Variants in ADAMTS12 observed in about 807,000 individuals in gnomAD.
ADAMTS12 encodes A disintegrin and metalloproteinase with thrombospondin motifs 12.
In ADAMTS12, 118 loss-of-function variants were observed where a neutral mutation model predicts 167.8. That is an observed-to-expected ratio of 0.70 (90% CI 0.61 to 0.82). ADAMTS12 has a LOEUF of 0.82. Among genes scored for constraint, ADAMTS12 ranks in the 40% least tolerant of loss-of-function variants. ADAMTS12 has a pLI of 0.00. For missense variants in ADAMTS12, 1,916 were observed against 1,998.8 expected (o/e 0.96, Z 0.79); for synonymous variants, 704 against 716.9 (o/e 0.98, Z 0.29).
At chr5:33,682,955 T>C (rs1742183547) in intron 5 of ADAMTS12, 63 bp downstream of exon 5, 2 of 1,423,248 alleles carry the variant, frequency 1.4e-6, no homozygotes, top group East Asian at 2.3e-5. Flanking sequence ...AGAACTCCCC[T>C]GAAAAAAAGA....
intron 2 of ADAMTS12, among the ~76,000 whole-genome samples, chr5:33,790,986 G>C (rs1331391004): frequency 2.0e-5 from 3 of 151,986 alleles, no homozygotes; most frequent in African/African-American, 7.3e-5. Context: ...GTTGCATGGT[G>C]ATTCCCAGTC....
chr5:33,582,330 G>A (rs745612391), intron 18 of ADAMTS12, among the ~76,000 whole-genome samples: 3 of 152,188 alleles, frequency 2.0e-5, no homozygotes, highest in Non-Finnish European at 2.9e-5. Context: ...CACACCAAAA[G>A]AGGGAGTGAC....
chr5:33,566,860 A>G (rs954685728), intron 19 of ADAMTS12, among the ~76,000 whole-genome samples: 2 of 152,174 alleles, frequency 1.3e-5, no homozygotes, highest in African/African-American at 2.4e-5. Flanking sequence ...CTTGGAGCAT[A>G]CAACTTCCTG....
chr5:33,771,934 T>G (rs950474435), intron 2 of ADAMTS12, among the ~76,000 whole-genome samples: 4 of 151,824 alleles, frequency 2.6e-5, no homozygotes, highest in Admixed American at 2.6e-4. Context: ...GGATTAAGCC[T>G]CAAGCTATTA....
At chr5:33,651,336 G>A (rs1330310723) in intron 7 of ADAMTS12, among the ~76,000 whole-genome samples, 1 of 152,066 alleles carries the variant, frequency 6.6e-6, no homozygotes, top group Non-Finnish European at 1.5e-5. Flanking sequence ...CCTCACAAAT[G>A]GATTTTTAAG....
chr5:33,837,912 T>A (rs190265161), intron 2 of ADAMTS12, among the ~76,000 whole-genome samples: 22 of 152,306 alleles, frequency 1.4e-4, no homozygotes, highest in Non-Finnish European at 2.8e-4. Flanking sequence ...AAATTAGAAG[T>A]AGACAACAGA....
chr5:33,805,690 T>C lies in ADAMTS12; in HGVS notation c.490-54142A>G, dbSNP rs549916990. 2.0e-5 allele frequency among the ~76,000 whole-genome samples: 3 copies of C among 152,282 alleles called. No homozygotes were observed. The East Asian group carries it at 5.8e-4, about 29-fold the overall frequency. On this transcript the variant is annotated intron_variant, in intron 2 of 23. Transcript: ENST00000504830. ...ATAATGAATGTTTGTCTAATAAATG[T>C]ATGTGTGACAGGAGAAAAGAGGTTA...
chr5:33,580,360 A>C (rs1747002239), intron 18 of ADAMTS12, among the ~76,000 whole-genome samples: 1 of 152,150 alleles, frequency 6.6e-6, no homozygotes, highest in South Asian at 2.1e-4. Flanking sequence ...TGCAGACTGA[A>C]GTGGGGAAAG....
At chr5:33,736,019 T>C (rs566393980) in intron 3 of ADAMTS12, among the ~76,000 whole-genome samples, 9 of 151,314 alleles carry the variant, frequency 5.9e-5, no homozygotes, top group Middle Eastern at 3.4e-3. Context: ...GTAATGATGA[T>C]AATAAAGGCA....
chr5:33,658,141 A>G (rs746420543), intron 7 of ADAMTS12, 43 bp downstream of exon 7: 4 of 1,605,552 alleles, frequency 2.5e-6, no homozygotes, highest in Non-Finnish European at 3.4e-6. Context: ...TGATATTGAC[A>G]CATGAATATG....
intron 13 of ADAMTS12, among the ~76,000 whole-genome samples, chr5:33,626,515 T>C (rs1739620520): frequency 6.7e-6 from 1 of 150,198 alleles, no homozygotes. Context: ...GTGGTGGTAA[T>C]GTGGTAATGG....
chr5:33,699,446 C>A (rs2113011), intron 3 of ADAMTS12, among the ~76,000 whole-genome samples: 129,906 of 151,902 alleles, frequency 0.86, 55,761 homozygotes, highest in Non-Finnish European at 0.89. Flanking sequence ...AACCATAAAA[C>A]GTAAAATTAT....
At chr5:33,746,942 T>C (rs1319416399) in intron 3 of ADAMTS12, among the ~76,000 whole-genome samples, 3 of 152,220 alleles carry the variant, frequency 2.0e-5, no homozygotes, top group Non-Finnish European at 2.9e-5. Context: ...CCCTTTTGGA[T>C]GGCCTGCCCA....
intron 16 of ADAMTS12, among the ~76,000 whole-genome samples, chr5:33,598,509 A>T (rs1267115241): frequency 6.6e-6 from 1 of 152,226 alleles, no homozygotes; most frequent in South Asian, 2.1e-4. Flanking sequence ...GAACAGTGAT[A>T]TTCATGCTGT....
chr5:33,559,073 C>G (rs951595126), intron 20 of ADAMTS12, among the ~76,000 whole-genome samples: 1 of 152,130 alleles, frequency 6.6e-6, no homozygotes, highest in Non-Finnish European at 1.5e-5. Flanking sequence ...GTAAGTCTGC[C>G]AGGAGAACCA....
intron 6 of ADAMTS12, 76 bp downstream of exon 6, chr5:33,661,840 G>A: frequency 6.3e-7 from 1 of 1,587,482 alleles, no homozygotes; most frequent in Non-Finnish European, 8.6e-7. Context: ...TCATGGGTTT[G>A]AACACCTGGT....
rs1366642524 is a variant in ADAMTS12, at chr5:33,626,844, T to C, written c.2023-2493A>G. Among the ~76,000 whole-genome samples the C allele has an allele frequency of 3.4e-5, 5 of 145,702 alleles. No individual in the cohort carries two copies. In the East Asian group the frequency reaches 1.1e-3, roughly 31 times the overall value. ...GACGATGGTGGTGGTGGTGATGTGG[T>C]AATGGTGGTGGTGATTTGATGGTGG... On this transcript the variant is annotated intron_variant, in intron 13 of 23. Transcript: ENST00000504830.
chr5:33,879,315 G>A (rs1333885303), intron 2 of ADAMTS12, among the ~76,000 whole-genome samples: 1 of 151,944 alleles, frequency 6.6e-6, no homozygotes, highest in Non-Finnish European at 1.5e-5. Context: ...GATTCTGCAG[G>A]TCCACAGACC....
At chr5:33,715,855 C>T (rs1254365457) in intron 3 of ADAMTS12, among the ~76,000 whole-genome samples, 1 of 152,064 alleles carries the variant, frequency 6.6e-6, no homozygotes, top group Admixed American at 6.6e-5. Flanking sequence ...GTTGTCAGGC[C>T]AGGGAGTTGT....
Sources: gnomAD v4.1 joint callset for allele counts (sites outside exome capture counted in the v4.1 genomes callset) on GRCh38, gnomAD v4.1.1 for gene constraint, MANE v1.5 for transcripts, NCBI Gene and HGNC (gene_info 2026-07-23, HGNC 2026-07-21) for gene names.